The following LRRTM4 variants were observed in gnomAD, a reference collection of about 807,000 sequenced individuals.
LRRTM4 encodes the protein leucine-rich repeat transmembrane neuronal protein 4.
LRRTM4 carries 25 observed loss-of-function variants against 47.6 expected under a neutral mutation model. That is an observed-to-expected ratio of 0.53 (90% CI 0.38 to 0.73). The LOEUF (loss-of-function observed/expected upper bound fraction) is 0.73. LRRTM4 is among the 30% of genes least tolerant of loss of function. The pLI is 0.00. For synonymous variants in LRRTM4, 311 were observed against 269.5 expected, an observed-to-expected ratio of 1.15 and a Z score of -1.51; for missense variants, 638 against 713.4, an observed-to-expected ratio of 0.89 and a Z score of 1.20.
At chr2:76,915,488 G>A (rs145539975) in intron 3 of LRRTM4, among the ~76,000 whole-genome samples, 1 of 152,228 alleles carries the variant, frequency 6.6e-6, no homozygotes, top group East Asian at 1.9e-4. Context: ...CAAAGCTAAG[G>A]TTTCTGACAT....
intron 3 of LRRTM4, among the ~76,000 whole-genome samples, chr2:77,068,258 A>G (rs537412164): frequency 6.6e-6 from 1 of 152,298 alleles, no homozygotes; most frequent in Admixed American, 6.5e-5. Context: ...AGAAACTTGT[A>G]AGTTGTTTCA....
chr2:77,325,085 T>C (rs1670707781), intron 3 of LRRTM4, among the ~76,000 whole-genome samples: 1 of 152,184 alleles, frequency 6.6e-6, no homozygotes. Flanking sequence ...TTCTCCTTTC[T>C]GCAGAGAAAC....
At chr2:77,224,014 A>G (rs1674726103) in intron 3 of LRRTM4, among the ~76,000 whole-genome samples, 1 of 152,018 alleles carries the variant, frequency 6.6e-6, no homozygotes, top group East Asian at 1.9e-4. Context: ...AAACAGAGAT[A>G]TAGACCAATG....
At chr2:77,199,447 G>A (rs1333240975) in intron 3 of LRRTM4, among the ~76,000 whole-genome samples, 1 of 151,952 alleles carries the variant, frequency 6.6e-6, no homozygotes, top group Non-Finnish European at 1.5e-5. Context: ...CCTCTTATTG[G>A]TAGATTCTAT....
rs922983379 is a variant in LRRTM4, at chr2:77,155,251, A to T, written c.1551+363067T>A. Among the ~76,000 whole-genome samples, 5 of 152,052 alleles carry T rather than the reference A, an allele frequency of 3.3e-5. 1 individual carries two copies. The highest frequency in any genetic ancestry group is 1.2e-4 in the African/African-American group (5 of 41,554). On this transcript the variant is annotated intron_variant, in intron 3 of 3. Transcript: ENST00000409884. ...TATGATATTCACAGATAATTGTTAA[A>T]TTTTTATAAAAATGAAGGATTTTTT...
At chr2:77,032,218 C>T (rs1294785887) in intron 3 of LRRTM4, among the ~76,000 whole-genome samples, 1 of 152,118 alleles carries the variant, frequency 6.6e-6, no homozygotes, top group East Asian at 1.9e-4. Flanking sequence ...TTACCATTCC[C>T]TTCTTCTGAA....
At chr2:77,487,121 G>T (rs1351156790) in intron 3 of LRRTM4, among the ~76,000 whole-genome samples, 1 of 152,196 alleles carries the variant, frequency 6.6e-6, no homozygotes, top group Non-Finnish European at 1.5e-5. Flanking sequence ...TGAGAGAGGC[G>T]CAGCCAGGGC....
At chr2:76,871,192 T>C (rs1247409524) in intron 3 of LRRTM4, among the ~76,000 whole-genome samples, 3 of 152,140 alleles carry the variant, frequency 2.0e-5, no homozygotes, top group Non-Finnish European at 2.9e-5. Flanking sequence ...AAAATAGAAA[T>C]GAACTTCTAT....
chr2:77,220,437 C>T (rs531437132), intron 3 of LRRTM4, among the ~76,000 whole-genome samples: 18 of 152,014 alleles, frequency 1.2e-4, no homozygotes, highest in Non-Finnish European at 2.2e-4. Flanking sequence ...GAACCAATGG[C>T]AAAGAAGTTA....
At chr2:76,971,546 T>C (rs1156427724) in intron 3 of LRRTM4, among the ~76,000 whole-genome samples, 1 of 151,988 alleles carries the variant, frequency 6.6e-6, no homozygotes, top group Non-Finnish European at 1.5e-5. Context: ...ATGGCAGGGC[T>C]CCAGACTCAA....
intron 3 of LRRTM4, among the ~76,000 whole-genome samples, chr2:77,380,059 A>G (rs1037888643): frequency 6.6e-6 from 1 of 152,178 alleles, no homozygotes; most frequent in Non-Finnish European, 1.5e-5. Flanking sequence ...TAGAAATAAA[A>G]GCAAATAGTA....
At chr2:77,035,199 C>T (rs1158297430) in intron 3 of LRRTM4, among the ~76,000 whole-genome samples, 1 of 151,652 alleles carries the variant, frequency 6.6e-6, no homozygotes, top group East Asian at 1.9e-4. Flanking sequence ...TCTCCTAATG[C>T]TATCCCTCCC....
chr2:76,784,227 A>G (rs1353679699), intron 3 of LRRTM4, among the ~76,000 whole-genome samples: 1 of 152,148 alleles, frequency 6.6e-6, no homozygotes, highest in Non-Finnish European at 1.5e-5. Context: ...AATTTCTTTT[A>G]TTAAATACAT....
At chr2:76,997,464 A>C (rs1677243147) in intron 3 of LRRTM4, among the ~76,000 whole-genome samples, 1 of 152,116 alleles carries the variant, frequency 6.6e-6, no homozygotes, top group Non-Finnish European at 1.5e-5. Flanking sequence ...ACACTGATGA[A>C]ATATGAATCT....
intron 3 of LRRTM4, among the ~76,000 whole-genome samples, chr2:77,107,421 A>T (rs1447245249): frequency 6.6e-6 from 1 of 152,198 alleles, no homozygotes; most frequent in Non-Finnish European, 1.5e-5. Flanking sequence ...ATATATACAC[A>T]TATATACTTT....
intron 3 of LRRTM4, among the ~76,000 whole-genome samples, chr2:77,417,437 G>A (rs996348961): frequency 6.6e-6 from 1 of 152,086 alleles, no homozygotes; most frequent in Admixed American, 6.5e-5. Flanking sequence ...AAAGACACAT[G>A]CACACGTATG....
chr2:77,035,284 C>CA (rs1197765485), intron 3 of LRRTM4, among the ~76,000 whole-genome samples: 2 of 148,726 alleles, frequency 1.3e-5, no homozygotes, highest in Admixed American at 6.8e-5. Context: ...AACAAACAAA[C>CA]AAAAAACCAG....
chr2:77,478,898 T>G (rs1677540662), intron 3 of LRRTM4, among the ~76,000 whole-genome samples: 1 of 152,176 alleles, frequency 6.6e-6, no homozygotes, highest in Non-Finnish European at 1.5e-5. Flanking sequence ...TTCTTCTTCT[T>G]TCTTTCTTTT....
chr2:77,044,575 C>A (rs1679169105), intron 3 of LRRTM4, among the ~76,000 whole-genome samples: 1 of 150,720 alleles, frequency 6.6e-6, no homozygotes, highest in Admixed American at 6.6e-5. Context: ...TGTGTGCATG[C>A]AAAAGGGAGG....
Sources: allele counts gnomAD v4.1 joint callset (sites outside exome capture counted in the v4.1 genomes callset), GRCh38; gene constraint gnomAD v4.1.1; transcripts MANE v1.5; gene names NCBI Gene and HGNC (gene_info 2026-07-23, HGNC 2026-07-21).